CHODL: variants seen among roughly 807,000 people sequenced by gnomAD.
CHODL encodes chondrolectin, also known as transmembrane protein MT75.
Under a neutral mutation model 34.5 loss-of-function variants are expected in CHODL, and 29 were observed. The ratio of observed to expected loss-of-function variants is 0.84; its 90% CI spans 0.63 to 1.15. CHODL has a LOEUF of 1.15. CHODL is among the 50% of genes most tolerant of loss of function. The pLI, the probability that CHODL is intolerant of heterozygous loss-of-function variation, is 0.00. For synonymous variants in CHODL, 125 were observed against 116.1 expected, an observed-to-expected ratio of 1.08 and a Z score of -0.49; for missense variants, 332 against 332.5, an observed-to-expected ratio of 1.00 and a Z score of 0.01.
At chr21:18,166,278 A>T in intron 2 of CHODL, among the ~76,000 whole-genome samples, 1 of 152,174 alleles carries the variant, frequency 6.6e-6, no homozygotes, top group East Asian at 1.9e-4. Context: ...CTTCAAATGT[A>T]TCTTCCAGGG....
At chr21:18,122,238 C>G (rs2065488838) in intron 2 of CHODL, among the ~76,000 whole-genome samples, 1 of 152,046 alleles carries the variant, frequency 6.6e-6, no homozygotes, top group Non-Finnish European at 1.5e-5. Flanking sequence ...TAATATACGT[C>G]AGATGGGATA....
chr21:18,077,336 A>G (rs158032), intron 2 of CHODL, among the ~76,000 whole-genome samples: 54,363 of 152,006 alleles, frequency 0.36, 11,202 homozygotes, highest in East Asian at 0.86. Context: ...TCTCACCCAT[A>G]TCTGATTTAA....
chr21:18,020,236 G>C (rs1221804760), intron 1 of CHODL, among the ~76,000 whole-genome samples: 2 of 152,130 alleles, frequency 1.3e-5, no homozygotes, highest in Non-Finnish European at 2.9e-5. Context: ...GAGAATTTAA[G>C]AGAAAACTGT....
intron 1 of CHODL, among the ~76,000 whole-genome samples, chr21:17,958,070 T>TA (rs1209535770): frequency 3.9e-5 from 6 of 152,160 alleles, no homozygotes; most frequent in Non-Finnish European, 7.4e-5. Flanking sequence ...GTTTTTTTCT[T>TA]ACGCCTAACC....
At chr21:18,096,542 G>A (rs1226985153) in intron 2 of CHODL, among the ~76,000 whole-genome samples, 1 of 152,150 alleles carries the variant, frequency 6.6e-6, no homozygotes, top group Non-Finnish European at 1.5e-5. Flanking sequence ...TTATGTGGTT[G>A]AAGATAAGGG....
chr21:18,015,932 T>A (rs1288685758), intron 1 of CHODL, among the ~76,000 whole-genome samples: 1 of 152,168 alleles, frequency 6.6e-6, no homozygotes, highest in African/African-American at 2.4e-5. Context: ...TATGCTCGTT[T>A]GCATAAACAA....
At chr21:18,127,102 G>C (rs1419837647) in intron 2 of CHODL, among the ~76,000 whole-genome samples, 2 of 152,162 alleles carry the variant, frequency 1.3e-5, no homozygotes, top group African/African-American at 4.8e-5. Flanking sequence ...GGATATTGAA[G>C]AGATACCAAG....
intron 1 of CHODL, among the ~76,000 whole-genome samples, chr21:17,921,509 G>A (rs2063183202): frequency 6.6e-6 from 1 of 152,174 alleles, no homozygotes; most frequent in Non-Finnish European, 1.5e-5. Context: ...GAGAGGTACA[G>A]TATCTAGAAT....
At chr21:17,949,677 A>G (rs1460560507) in intron 1 of CHODL, among the ~76,000 whole-genome samples, 1 of 152,208 alleles carries the variant, frequency 6.6e-6, no homozygotes, top group African/African-American at 2.4e-5. Context: ...AAATTGTAAA[A>G]GTAAATGTTA....
intron 2 of CHODL, among the ~76,000 whole-genome samples, chr21:18,177,648 C>A (rs2073332135): frequency 6.6e-6 from 1 of 152,062 alleles, no homozygotes; most frequent in Non-Finnish European, 1.5e-5. Context: ...CATTTGTGAA[C>A]AAAATCGTAC....
intron 1 of CHODL, among the ~76,000 whole-genome samples, chr21:17,927,455 C>T (rs1027333135): frequency 1.3e-5 from 2 of 152,048 alleles, no homozygotes; most frequent in Non-Finnish European, 2.9e-5. Flanking sequence ...ACAGTTGTTG[C>T]CTAATAGTGG....
intron 1 of CHODL, among the ~76,000 whole-genome samples, chr21:17,983,788 G>A (rs2063732286): frequency 6.6e-6 from 1 of 151,924 alleles, no homozygotes; most frequent in Non-Finnish European, 1.5e-5. Context: ...TATTTAATGG[G>A]TACAATTAGA....
chr21:17,927,188 A>ATATG (rs1261942398), intron 1 of CHODL, among the ~76,000 whole-genome samples: 1 of 148,356 alleles, frequency 6.7e-6, no homozygotes. Flanking sequence ...ATATATATGT[A>ATATG]TATGTATGTA....
chr21:18,128,431 A>G (rs1043431601), intron 2 of CHODL, among the ~76,000 whole-genome samples: 1 of 151,752 alleles, frequency 6.6e-6, no homozygotes, highest in Non-Finnish European at 1.5e-5. Flanking sequence ...AATTGTTGGA[A>G]GTCAAAGCAA....
intron 2 of CHODL, among the ~76,000 whole-genome samples, chr21:18,208,432 G>A (rs1385458869): frequency 6.6e-6 from 1 of 151,932 alleles, no homozygotes; most frequent in African/African-American, 2.4e-5. Context: ...CAGCTACTTT[G>A]AATTCTGTAT....
At chr21:18,177,661 G>T (rs2073332544) in intron 2 of CHODL, among the ~76,000 whole-genome samples, 1 of 152,074 alleles carries the variant, frequency 6.6e-6, no homozygotes. Flanking sequence ...AATCGTACCA[G>T]TCTAGTCAAT....
chr21:18,245,637 G>C (rs894711054), intron 1 of CHODL, among the ~76,000 whole-genome samples: 4 of 152,260 alleles, frequency 2.6e-5, no homozygotes, highest in Middle Eastern at 6.8e-3. Context: ...CCTGCCAAAG[G>C]GGTGGGGTAG....
intron 2 of CHODL, among the ~76,000 whole-genome samples, chr21:18,196,293 T>A (rs901664122): frequency 6.6e-6 from 1 of 152,196 alleles, no homozygotes; most frequent in Non-Finnish European, 1.5e-5. Context: ...ACTCTTACTA[T>A]TGCTATAAAA....
chr21:18,121,065 G>A (rs1054926567), intron 2 of CHODL, among the ~76,000 whole-genome samples: 1 of 152,056 alleles, frequency 6.6e-6, no homozygotes, highest in Non-Finnish European at 1.5e-5. Context: ...TGTTTTCTGT[G>A]TTCTCTGGTG....
Sources: gnomAD v4.1 joint callset for allele counts (sites outside exome capture counted in the v4.1 genomes callset) on GRCh38, gnomAD v4.1.1 for gene constraint, MANE v1.5 for transcripts, NCBI Gene and HGNC (gene_info 2026-07-23, HGNC 2026-07-21) for gene names.